Variants in CNGA1 observed in about 807,000 individuals in gnomAD.
CNGA1 encodes the protein cyclic nucleotide gated channel subunit alpha 1, also known as cyclic nucleotide-gated channel alpha-1.
In CNGA1, 53 loss-of-function variants were observed where a neutral mutation model predicts 69.7. The observed-to-expected ratio is 0.76, with a 90% CI of 0.61 to 0.96. The LOEUF is 0.96. CNGA1 is among the 40% of genes least tolerant of loss of function. CNGA1 has a pLI of 0.00. For missense variants in CNGA1, 739 were observed against 811.2 expected (o/e 0.91, Z 1.08); for synonymous variants, 249 against 283.5 (o/e 0.88, Z 1.22).
intron 2 of CNGA1, among the ~76,000 whole-genome samples, chr4:47,987,655 GAC>G (rs1742034037): frequency 6.6e-6 from 1 of 152,066 alleles, no homozygotes. Flanking sequence ...AGATGGGAAA[GAC>G]AATAAATAAA....
intron 2 of CNGA1, among the ~76,000 whole-genome samples, chr4:47,984,704 A>AT (rs71200906): frequency 6.7e-6 from 1 of 149,608 alleles, no homozygotes; most frequent in African/African-American, 2.5e-5. Flanking sequence ...ATATATATAT[A>AT]ATATATATAA....
chr4:48,016,598 ACCAGTTATCACAGGCCGCTC>A lies in CNGA1; in HGVS notation c.-358_-339del, dbSNP rs1403372067. The stretch of plus-strand genomic sequence containing the variant: ...GGCAGCTGCTACTCCTGCCAGATAC[ACCAGTTATCACAGGCCGCTC>A]CCAGGCCTGCGGGGGCCCTGAGAAT... On this transcript the variant is annotated 5_prime_UTR_variant, in exon 1 of 11. Transcript: ENST00000514170. The A allele has an allele frequency of 1.9e-6, 1 of 529,496 alleles. No homozygotes were observed. Among genetic ancestry groups the A allele is most frequent in the Non-Finnish European group, 3.3e-6 (1 of 303,968 alleles). 32.8% of individuals were successfully genotyped at this position (529,496 alleles called of 1,614,324 possible).
intron 1 of CNGA1, among the ~76,000 whole-genome samples, chr4:48,015,549 C>G (rs1178369076): frequency 3.7e-4 from 57 of 152,180 alleles, no homozygotes; most frequent in Admixed American, 3.7e-3. Context: ...AGCACAAAGG[C>G]ACCCCAGTTC....
At chr4:47,989,662 G>T (rs535255230) in intron 2 of CNGA1, among the ~76,000 whole-genome samples, 2 of 151,948 alleles carry the variant, frequency 1.3e-5, no homozygotes, top group African/African-American at 4.8e-5. Flanking sequence ...TTTTGTTTCC[G>T]TAGGTTATTG....
chr4:47,941,998 TG>T, intron 9 of CNGA1, 42 bp downstream of exon 9: 2 of 1,179,988 alleles, frequency 1.7e-6, no homozygotes, highest in Non-Finnish European at 2.4e-6. Context: ...AAACTAGAAA[TG>T]GGGTGAGATC....
intron 2 of CNGA1, among the ~76,000 whole-genome samples, chr4:48,005,280 G>A (rs1327634940): frequency 6.6e-6 from 1 of 151,976 alleles, no homozygotes; most frequent in Non-Finnish European, 1.5e-5. Context: ...ACCACGCCTG[G>A]CTAATTTTTG....
At chr4:47,970,426 G>A (rs974535067) in intron 3 of CNGA1, among the ~76,000 whole-genome samples, 7 of 151,888 alleles carry the variant, frequency 4.6e-5, no homozygotes, top group Admixed American at 6.6e-5. Flanking sequence ...TGAGGCAGGT[G>A]GATCACCTGA....
At chr4:47,975,715 T>TA (rs1741313585) in intron 3 of CNGA1, among the ~76,000 whole-genome samples, 1 of 152,090 alleles carries the variant, frequency 6.6e-6, no homozygotes, top group Non-Finnish European at 1.5e-5. Context: ...ATTAGAACTA[T>TA]AAAGTCATAT....
intron 3 of CNGA1, among the ~76,000 whole-genome samples, chr4:47,967,477 G>C (rs960481281): frequency 1.3e-5 from 2 of 152,074 alleles, no homozygotes; most frequent in Non-Finnish European, 2.9e-5. Flanking sequence ...AGAATACAAA[G>C]CATCTGAATT....
At chr4:47,967,909 T>C (rs1162833413) in intron 3 of CNGA1, among the ~76,000 whole-genome samples, 1 of 151,012 alleles carries the variant, frequency 6.6e-6, no homozygotes, top group African/African-American at 2.4e-5. Flanking sequence ...ACCGGGGAGG[T>C]GGAGGTTGCA....
intron 2 of CNGA1, among the ~76,000 whole-genome samples, chr4:47,986,601 T>C (rs1445523895): frequency 6.6e-6 from 1 of 152,166 alleles, no homozygotes; most frequent in East Asian, 1.9e-4. Context: ...CATAAAGGCA[T>C]AAAATTTGCT....
intron 3 of CNGA1, among the ~76,000 whole-genome samples, chr4:47,957,458 T>A (rs746924552): frequency 4.7e-4 from 71 of 151,768 alleles, no homozygotes; most frequent in Non-Finnish European, 7.8e-4. Flanking sequence ...AAAATAAAAA[T>A]AAGAATAAAA....
intron 1 of CNGA1, among the ~76,000 whole-genome samples, chr4:48,013,231 C>T (rs957882259): frequency 1.3e-5 from 2 of 152,170 alleles, no homozygotes; most frequent in Non-Finnish European, 2.9e-5. Context: ...AGGTCAGGGG[C>T]ATCTCCACTC....
chr4:47,951,437 G>A lies in CNGA1; in HGVS notation c.140C>T (p.Thr47Ile), dbSNP rs2110157901. 6.2e-7 allele frequency: 1 copy of A among 1,613,356 alleles called. No individual in the cohort carries two copies. Residue 47 changes from threonine to isoleucine, a missense_variant, in exon 5 of 11, where the codon ACA (threonine) becomes ATA (isoleucine). Coordinates refer to ENST00000514170, the MANE Select transcript of CNGA1 (RefSeq NM_001379270.1). ...GTTTTCATTCTCTGATTCTTCAGATGTAGAGGCACTGTCATCATCCTCAGA... is the reference window on the plus strand; with the variant it reads ...GTTTTCATTCTCTGATTCTTCAGATATAGAGGCACTGTCATCATCCTCAGA... ...SFSEDDDSAS[T>I]SEESENENPH... is the part of the protein sequence containing the mutation.
intron 2 of CNGA1, among the ~76,000 whole-genome samples, chr4:47,989,356 A>G (rs1377733219): frequency 1.3e-5 from 2 of 152,174 alleles, no homozygotes; most frequent in Non-Finnish European, 2.9e-5. Flanking sequence ...TTGAAAGTTA[A>G]TTTTATATGA....
intron 2 of CNGA1, among the ~76,000 whole-genome samples, chr4:47,987,756 G>C (rs1412114009): frequency 6.6e-6 from 1 of 152,138 alleles, no homozygotes; most frequent in Non-Finnish European, 1.5e-5. Flanking sequence ...ATGGGGTGGG[G>C]CAGGACTATC....
At chr4:48,003,933 T>C (rs1203293436) in intron 2 of CNGA1, among the ~76,000 whole-genome samples, 1 of 150,358 alleles carries the variant, frequency 6.7e-6, no homozygotes, top group Non-Finnish European at 1.5e-5. Context: ...GACTCTATCC[T>C]CCACCTCTTG....
At chr4:48,006,051 GC>G (rs1349916662) in intron 2 of CNGA1, among the ~76,000 whole-genome samples, 1 of 152,092 alleles carries the variant, frequency 6.6e-6, no homozygotes, top group African/African-American at 2.4e-5. Flanking sequence ...AAAAGAATCA[GC>G]ACCATTTTAG....
At chr4:47,968,810 T>C (rs1193992764) in intron 3 of CNGA1, among the ~76,000 whole-genome samples, 1 of 152,160 alleles carries the variant, frequency 6.6e-6, no homozygotes, top group East Asian at 1.9e-4. Flanking sequence ...AAAGGCTTCC[T>C]ATTCTAGGCA....
Sources: allele counts gnomAD v4.1 joint callset (sites outside exome capture counted in the v4.1 genomes callset), GRCh38; gene constraint gnomAD v4.1.1; transcripts MANE v1.5; gene names NCBI Gene and HGNC (gene_info 2026-07-23, HGNC 2026-07-21).